HSDL2: variants seen among roughly 807,000 people sequenced by gnomAD.
HSDL2 encodes the protein hydroxysteroid dehydrogenase like 2, also known as hydroxysteroid dehydrogenase-like protein 2.
A neutral mutation model predicts 46.3 loss-of-function variants in HSDL2; 27 were observed. The observed-to-expected ratio is 0.58, with a 90% CI of 0.43 to 0.80. HSDL2 has a LOEUF of 0.80. HSDL2 is among the 30% of genes least tolerant of loss of function. The pLI, the probability that HSDL2 is intolerant of heterozygous loss-of-function variation, is 0.00. For missense variants in HSDL2, 451 were observed against 502.7 expected, an observed-to-expected ratio of 0.90 and a Z score of 0.98; for synonymous variants, 153 against 163.6, an observed-to-expected ratio of 0.94 and a Z score of 0.50.
intron 6 of HSDL2, among the ~76,000 whole-genome samples, chr9:112,435,001 A>G (rs1241351857): frequency 2.0e-5 from 3 of 152,118 alleles, no homozygotes; most frequent in African/African-American, 7.2e-5. Flanking sequence ...CCCAGAAATC[A>G]TCAGTGAATT....
chr9:112,381,198 T>C (rs1831086327), intron 1 of HSDL2, among the ~76,000 whole-genome samples: 1 of 152,070 alleles, frequency 6.6e-6, no homozygotes, highest in African/African-American at 2.4e-5. Context: ...ATTCTTTCTT[T>C]GTTTTTTTTA....
chr9:112,430,872 GTGAAACCCCA>G (rs1160764380), intron 6 of HSDL2, among the ~76,000 whole-genome samples: 3 of 151,896 alleles, frequency 2.0e-5, no homozygotes, highest in Non-Finnish European at 4.4e-5. Context: ...GGCCAACATG[GTGAAACCCCA>G]TCTGTACTAA....
Position 112,413,232 on chromosome 9 carries a change from A to C in HSDL2, c.396-3609A>C, listed in dbSNP as rs148451578. 4.0e-3 allele frequency among the ~76,000 whole-genome samples: 605 copies of C among 152,278 alleles called. 2 individuals carry two copies. Among genetic ancestry groups the C allele is most frequent in the African/African-American group, 0.014 (571 of 41,576 alleles). On this transcript the variant is annotated intron_variant, in intron 4 of 10. Coordinates refer to ENST00000398805, the MANE Select transcript of HSDL2 (RefSeq NM_032303.5). ...GGTGGCTCACGCCTGTAATCCCAGC[A>C]CTTTGGGAGGCCAAGGCGGGCAGAT...
At position 112,438,531 on chromosome 9, in the gene HSDL2, A is replaced by G. The variant is rs766476625; in HGVS notation, c.699A>G (p.Gln233=). Residue 233 remains glutamine (Q), a synonymous_variant, in exon 7 of 11, where the codon CAA becomes CAG. Transcript: ENST00000398805. ...CAGATGCAGCATATTCCATTTTCCA[A>G]AAGCCAAAAAGTTTTACTGGCAACT... is the stretch of plus-strand genomic sequence containing the variant. ...IIADAAYSIF[Q]KPKSFTGNFV... is the part of the protein sequence containing the mutation. 1 of 1,612,940 alleles carries G rather than the reference A, an allele frequency of 6.2e-7. No individual in the cohort carries two copies. Among genetic ancestry groups the G allele is most frequent in the South Asian group, 1.1e-5 (1 of 90,638 alleles).
At chr9:112,442,762 T>G (rs10817344) in intron 8 of HSDL2, among the ~76,000 whole-genome samples, 104,860 of 151,648 alleles carry the variant, frequency 0.69, 36,330 homozygotes, top group South Asian at 0.71. Context: ...TTTTTAGAAG[T>G]CTGATAGAAA....
chr9:112,425,199 A>G (rs558380358), intron 6 of HSDL2, among the ~76,000 whole-genome samples: 21 of 152,194 alleles, frequency 1.4e-4, no homozygotes, highest in African/African-American at 3.9e-4. Context: ...CTGTGTTAGT[A>G]TTAAATGTGA....
intron 10 of HSDL2, among the ~76,000 whole-genome samples, chr9:112,465,473 A>T (rs1190485583): frequency 6.6e-6 from 1 of 152,176 alleles, no homozygotes; most frequent in Non-Finnish European, 1.5e-5. Flanking sequence ...CATTTAATAT[A>T]TTCACAGTGC....
In HSDL2 at chr9:112,441,770, G is replaced by A; in HGVS notation, c.865G>A (p.Gly289Ser). 6.4e-7 allele frequency: 1 copy of A among 1,556,752 alleles called. No homozygotes were observed. The highest frequency in any genetic ancestry group is 8.9e-7 in the Non-Finnish European group (1 of 1,128,172). ...EAVSKKVESTGAVPEFKEEKL... is the reference protein window; with the variant it reads ...EAVSKKVESTSAVPEFKEEKL... ...AGTTAGCAAGAAAGTGGAATCAACT[G>A]GTAAGATCTAGACTATATTTTATGT... The change falls in exon 8 of 11, where the codon GGT becomes AGT. Residue 289 changes from glycine to serine, a missense_variant and splice_region_variant. Physicochemically the swap from Gly to Ser is moderately conservative, Grantham distance 56. Coordinates refer to ENST00000398805, the MANE Select transcript of HSDL2 (RefSeq NM_032303.5).
chr9:112,395,417 T>C (rs2132607078), intron 1 of HSDL2, among the ~76,000 whole-genome samples: 1 of 152,360 alleles, frequency 6.6e-6, no homozygotes, highest in South Asian at 2.1e-4. Flanking sequence ...CCCCACGTTA[T>C]AATTGTTCCA....
At chr9:112,465,919 G>C (rs1187669241) in intron 10 of HSDL2, among the ~76,000 whole-genome samples, 1 of 152,130 alleles carries the variant, frequency 6.6e-6, no homozygotes, top group Non-Finnish European at 1.5e-5. Context: ...TAGAATTCTA[G>C]GTCATAATAT....
Position 112,405,632 on chromosome 9 carries a change from G to A in HSDL2, c.190G>A (p.Val64Ile). Residue 64 changes from valine to isoleucine, a missense_variant, in exon 3 of 11, where the codon GTT (valine) becomes ATT (isoleucine). By Grantham distance (29) the Val-to-Ile change is conservative (BLOSUM62 3). Coordinates refer to ENST00000398805, the MANE Select transcript of HSDL2 (RefSeq NM_032303.5). ...IYTAAEEIEA[V>I]GGKALPCIVD... ...TGTATCCTTTATATAAGTTGAAGCA[G>A]TTGGAGGAAAGGCCTTGCCATGTAT... 1 of 1,608,456 alleles carries A rather than the reference G, an allele frequency of 6.2e-7. No homozygotes were observed. The highest frequency in any genetic ancestry group is 8.5e-7 in the Non-Finnish European group (1 of 1,175,692).
intron 1 of HSDL2, among the ~76,000 whole-genome samples, chr9:112,384,347 A>G (rs1247113228): frequency 1.3e-5 from 2 of 152,100 alleles, no homozygotes. Flanking sequence ...AATGCTTTGG[A>G]GCTGGAGGAC....
intron 6 of HSDL2, among the ~76,000 whole-genome samples, chr9:112,420,442 T>G (rs1832092417): frequency 6.6e-6 from 1 of 151,374 alleles, no homozygotes; most frequent in Non-Finnish European, 1.5e-5. Flanking sequence ...AGGCTGAGAT[T>G]GGATGGGAGG....
At chr9:112,467,619 C>A (rs939119432) in intron 10 of HSDL2, among the ~76,000 whole-genome samples, 1 of 152,166 alleles carries the variant, frequency 6.6e-6, no homozygotes, top group Admixed American at 6.6e-5. Flanking sequence ...AATTATTTTC[C>A]CAAGGCCCCA....
At position 112,447,838 on chromosome 9, in the gene HSDL2, T is replaced by A. The variant is rs574675671; in HGVS notation, c.865+6068T>A. ...TTATTAAACAAATTGAAATGCTTTCTGGAACAAGCCAAGTTAAAAATAAAA... is the reference window on the plus strand; with the variant it reads ...TTATTAAACAAATTGAAATGCTTTCAGGAACAAGCCAAGTTAAAAATAAAA... On this transcript the variant is annotated intron_variant, in intron 8 of 10. Transcript: ENST00000398805. 5.9e-5 allele frequency among the ~76,000 whole-genome samples: 9 copies of A among 152,226 alleles called. No homozygotes were observed. In the East Asian group the frequency reaches 1.7e-3, roughly 29 times the overall value.
intron 6 of HSDL2, among the ~76,000 whole-genome samples, chr9:112,419,647 CT>C (rs1832075687): frequency 1.3e-5 from 2 of 152,194 alleles, no homozygotes; most frequent in Non-Finnish European, 2.9e-5. Flanking sequence ...CTAACAAATG[CT>C]TTTTAACATT....
chr9:112,410,387 C>A (rs1269565684), intron 4 of HSDL2, among the ~76,000 whole-genome samples: 1 of 152,196 alleles, frequency 6.6e-6, no homozygotes, highest in Non-Finnish European at 1.5e-5. Context: ...TTAACACTCA[C>A]CCCTCATGAC....
chr9:112,438,813 G>A (rs975754896), intron 7 of HSDL2, 188 bp downstream of exon 7: 2 of 433,482 alleles, frequency 4.6e-6, no homozygotes, highest in African/African-American at 2.2e-5. Flanking sequence ...AAAAATAGAG[G>A]TGAGTTGAGG....
intron 4 of HSDL2, among the ~76,000 whole-genome samples, chr9:112,415,809 A>G (rs901468972): frequency 6.6e-6 from 1 of 152,208 alleles, no homozygotes; most frequent in Non-Finnish European, 1.5e-5. Flanking sequence ...ACAAACAAAC[A>G]GTTCCCTACA....
Sources: gnomAD v4.1 joint callset for allele counts (sites outside exome capture counted in the v4.1 genomes callset) on GRCh38, gnomAD v4.1.1 for gene constraint, MANE v1.5 for transcripts, NCBI Gene and HGNC (gene_info 2026-07-23, HGNC 2026-07-21) for gene names.